The following VAMP7 variants were observed in gnomAD, a reference collection of about 807,000 sequenced individuals.
VAMP7 encodes the protein vesicle associated membrane protein 7, also known as vesicle-associated membrane protein 7.
In VAMP7, 14 loss-of-function variants were observed where a neutral mutation model predicts 29.6. The ratio of observed to expected loss-of-function variants is 0.47; its 90% CI spans 0.31 to 0.74. VAMP7 has a LOEUF of 0.74. VAMP7 is among the 30% of genes least tolerant of loss of function. VAMP7 has a pLI of 0.05. For missense variants in VAMP7, 223 were observed against 262.4 expected (o/e 0.85, Z 1.04); for synonymous variants, 95 against 88.1 (o/e 1.08, Z -0.44).
chrX:155,939,173 C>T (rs1356519980), intron 6 of VAMP7, among the ~76,000 whole-genome samples: 3 of 151,980 alleles, frequency 2.0e-5, no homozygotes, highest in Non-Finnish European at 2.9e-5. Context: ...TCCTTGTGTC[C>T]TGGTGGGAAT....
At chrX:155,897,727 A>G (rs1012316532) in intron 3 of VAMP7, among the ~76,000 whole-genome samples, 1 of 152,148 alleles carries the variant, frequency 6.6e-6, no homozygotes, top group African/African-American at 2.4e-5. Flanking sequence ...GTATGTGTGA[A>G]AGACTCTATG....
intron 5 of VAMP7, among the ~76,000 whole-genome samples, chrX:155,911,335 G>A (rs2066234429): frequency 6.6e-6 from 1 of 152,104 alleles, no homozygotes. Context: ...AAACCATGCT[G>A]TTTTGGTTAC....
intron 5 of VAMP7, among the ~76,000 whole-genome samples, chrX:155,905,611 CT>C (rs1472079132): frequency 2.0e-5 from 3 of 152,110 alleles, no homozygotes; most frequent in Admixed American, 1.3e-4. Context: ...CAACTTAATT[CT>C]GTTGAATATG....
At chrX:155,912,441 A>G (rs2066251439) in intron 5 of VAMP7, among the ~76,000 whole-genome samples, 1 of 152,074 alleles carries the variant, frequency 6.6e-6, no homozygotes, top group South Asian at 2.1e-4. Context: ...TACACATGCC[A>G]TGGTGGTTTG....
At chrX:155,885,590 T>C (rs1362814775) in intron 1 of VAMP7, among the ~76,000 whole-genome samples, 1 of 152,120 alleles carries the variant, frequency 6.6e-6, no homozygotes, top group East Asian at 1.9e-4. Flanking sequence ...GTAATTAAGA[T>C]GTAATTGAAA....
At chrX:155,912,996 A>G (rs931623674) in intron 5 of VAMP7, among the ~76,000 whole-genome samples, 20 of 152,282 alleles carry the variant, frequency 1.3e-4, no homozygotes, top group South Asian at 2.1e-4. Context: ...AAGCATTCCT[A>G]TTGCTCCACA....
At chrX:155,886,453 G>A (rs1040489334) in intron 1 of VAMP7, among the ~76,000 whole-genome samples, 4 of 152,110 alleles carry the variant, frequency 2.6e-5, no homozygotes, top group African/African-American at 9.7e-5. Flanking sequence ...TGCTTTTATT[G>A]GAAGAAACAC....
intron 1 of VAMP7, among the ~76,000 whole-genome samples, chrX:155,882,717 C>T (rs1163902214): frequency 6.6e-6 from 1 of 152,080 alleles, no homozygotes; most frequent in Admixed American, 6.6e-5. Flanking sequence ...CTTACCAGGT[C>T]CTTCTGAATA....
At chrX:155,884,479 C>A (rs752707308) in intron 1 of VAMP7, among the ~76,000 whole-genome samples, 16 of 152,272 alleles carry the variant, frequency 1.1e-4, no homozygotes, top group African/African-American at 3.4e-4. Flanking sequence ...ATCATTACTG[C>A]AAAAGACAAA....
chrX:155,912,073 G>A (rs886113114), intron 5 of VAMP7, among the ~76,000 whole-genome samples: 5 of 152,026 alleles, frequency 3.3e-5, no homozygotes, highest in African/African-American at 1.2e-4. Flanking sequence ...ATTTCTTAGA[G>A]GAAAGGCTTT....
chrX:155,942,434 G>T lies in VAMP7; in HGVS notation c.*483G>T. 2 of 374,590 alleles carry T rather than the reference G, an allele frequency of 5.3e-6. No homozygotes were observed. Among genetic ancestry groups the T allele is most frequent in the Non-Finnish European group, 9.6e-6 (2 of 208,240 alleles). The allele number at this position is 374,590 out of a possible 1,614,324, so 23.2% of individuals were successfully genotyped here. A position where few individuals can be genotyped will look rare whatever the true frequency, so the allele number is the denominator to read the frequency against. On this transcript the variant is annotated 3_prime_UTR_variant, in exon 8 of 8. Coordinates refer to ENST00000286448, the MANE Select transcript of VAMP7 (RefSeq NM_005638.6). ...GATAATAGTTGTTATTTGGGGAATT[G>T]TAATGATGTTGGTGCTGCTTCCTTC...
chrX:155,896,631 G>A (rs2065991435), intron 3 of VAMP7, among the ~76,000 whole-genome samples: 2 of 152,054 alleles, frequency 1.3e-5, no homozygotes, highest in Admixed American at 1.3e-4. Context: ...CGGAGTAGAG[G>A]GACTGTGTCT....
At chrX:155,901,071 G>C (rs1223141131) in intron 5 of VAMP7, among the ~76,000 whole-genome samples, 1 of 151,976 alleles carries the variant, frequency 6.6e-6, no homozygotes, top group Non-Finnish European at 1.5e-5. Flanking sequence ...AGTATGCTTA[G>C]AGACTTAGTC....
intron 6 of VAMP7, among the ~76,000 whole-genome samples, chrX:155,926,668 C>A (rs1357277130): frequency 6.6e-6 from 1 of 152,222 alleles, no homozygotes; most frequent in Non-Finnish European, 1.5e-5. Flanking sequence ...CCTTCAAGAA[C>A]TGTTCTTTGC....
chrX:155,927,173 G>A (rs1453600587), intron 6 of VAMP7, among the ~76,000 whole-genome samples: 1 of 151,940 alleles, frequency 6.6e-6, no homozygotes, highest in African/African-American at 2.4e-5. Flanking sequence ...TGAACAATGA[G>A]AACACATGGA....
chrX:155,899,175 T>TCATATGG (rs1285565771), intron 4 of VAMP7, among the ~76,000 whole-genome samples: 2 of 151,886 alleles, frequency 1.3e-5, no homozygotes, highest in African/African-American at 4.8e-5. Context: ...AATTGCTGGG[T>TCATATGG]CATATGGTAG....
At chrX:155,885,535 G>T (rs762749503) in intron 1 of VAMP7, among the ~76,000 whole-genome samples, 1 of 152,286 alleles carries the variant, frequency 6.6e-6, no homozygotes, top group African/African-American at 2.4e-5. Flanking sequence ...CTAACCCGTG[G>T]TACCTGTGAA....
At chrX:155,889,005 T>C (rs1047757036) in intron 1 of VAMP7, among the ~76,000 whole-genome samples, 3 of 152,206 alleles carry the variant, frequency 2.0e-5, no homozygotes, top group African/African-American at 7.2e-5. Context: ...AAATATAGGC[T>C]ATTTTTATTG....
intron 2 of VAMP7, 81 bp from the exon 3 acceptor site, chrX:155,895,542 G>T: frequency 4.0e-6 from 4 of 1,002,958 alleles, no homozygotes; most frequent in Non-Finnish European, 6.3e-6. Context: ...AGTACTGAAC[G>T]TGCTTATACA....
Sources: gnomAD v4.1 joint callset for allele counts (sites outside exome capture counted in the v4.1 genomes callset) on GRCh38, gnomAD v4.1.1 for gene constraint, MANE v1.5 for transcripts, NCBI Gene and HGNC (gene_info 2026-07-23, HGNC 2026-07-21) for gene names.